The following RORB variants were observed in gnomAD, a reference collection of about 807,000 sequenced individuals.
RORB encodes RAR related orphan receptor B.
In RORB, 6 loss-of-function variants were observed where a neutral mutation model predicts 59.1. The ratio of observed to expected loss-of-function variants is 0.10; its 90% CI spans 0.06 to 0.20. The LOEUF (loss-of-function observed/expected upper bound fraction) is 0.20. Among genes scored for constraint, RORB ranks in the 10% least tolerant of loss-of-function variants. The pLI, the probability that RORB is intolerant of heterozygous loss-of-function variation, is 1.00. For synonymous variants in RORB, 215 were observed against 204.5 expected, an observed-to-expected ratio of 1.05 and a Z score of -0.44; for missense variants, 320 against 560.5, an observed-to-expected ratio of 0.57 and a Z score of 4.33.
chr9:74,602,250 A>T (rs564779382), intron 1 of RORB, among the ~76,000 whole-genome samples: 1 of 152,342 alleles, frequency 6.6e-6, no homozygotes, highest in South Asian at 2.1e-4. Context: ...AAATCGCAAG[A>T]TGTAAAATTT....
chr9:74,557,459 A>G (rs1164256536), intron 1 of RORB, among the ~76,000 whole-genome samples: 1 of 152,098 alleles, frequency 6.6e-6, no homozygotes, highest in Non-Finnish European at 1.5e-5. Context: ...TTGAACCTTG[A>G]GCTTTTCCTA....
chr9:74,620,299 A>G (rs1248343165), intron 1 of RORB, among the ~76,000 whole-genome samples: 1 of 151,994 alleles, frequency 6.6e-6, no homozygotes, highest in Non-Finnish European at 1.5e-5. Context: ...GAATTTATCC[A>G]TTTCTTCTAG....
At chr9:74,652,058 T>C (rs1211402049) in intron 4 of RORB, among the ~76,000 whole-genome samples, 2 of 152,336 alleles carry the variant, frequency 1.3e-5, no homozygotes, top group South Asian at 2.1e-4. Flanking sequence ...GGATATACTC[T>C]GTTTAAACAC....
chr9:74,600,239 A>G (rs771206036), intron 1 of RORB, among the ~76,000 whole-genome samples: 6 of 152,220 alleles, frequency 3.9e-5, no homozygotes, highest in Non-Finnish European at 7.3e-5. Context: ...AGGTGGTTTT[A>G]TTCTTGAAAG....
intron 1 of RORB, among the ~76,000 whole-genome samples, chr9:74,543,574 G>GTCT (rs1346290481): frequency 6.6e-6 from 1 of 151,978 alleles, no homozygotes; most frequent in East Asian, 1.9e-4. Flanking sequence ...ACCACTCTAG[G>GTCT]TGAATCCAGA....
intron 1 of RORB, among the ~76,000 whole-genome samples, chr9:74,570,206 C>T (rs1374270519): frequency 6.6e-6 from 1 of 151,950 alleles, no homozygotes; most frequent in Non-Finnish European, 1.5e-5. Flanking sequence ...TGCTCCATAC[C>T]TTCTCACTTT....
chr9:74,562,223 T>G (rs1006693189), intron 1 of RORB, among the ~76,000 whole-genome samples: 2 of 152,172 alleles, frequency 1.3e-5, no homozygotes, highest in African/African-American at 4.8e-5. Context: ...TATTGTACAC[T>G]CAGTTATATG....
In RORB at chr9:74,689,709, TG is replaced by T. The variant is rs1165351395; in HGVS notation, c.*4092del. ...TAATCTCAGAGCAGTCAAGCTAAAC[TG>T]TTTGTAGAAAACCATGAAGATCAAC... On this transcript the variant is annotated 3_prime_UTR_variant, in exon 10 of 10. Coordinates refer to ENST00000376896, the MANE Select transcript of RORB (RefSeq NM_006914.4). The T allele has an allele frequency of 6.6e-6, 1 of 152,230 alleles. No homozygotes were observed. The highest frequency in any genetic ancestry group is 2.4e-5 in the African/African-American group (1 of 41,458). 9.4% of individuals were successfully genotyped at this position (152,230 alleles called of 1,614,324 possible). A position where few individuals can be genotyped will look rare whatever the true frequency, so the allele number is the denominator to read the frequency against.
intron 1 of RORB, 118 bp downstream of exon 1, chr9:74,498,101 C>T (rs1825739093): frequency 8.6e-7 from 1 of 1,156,586 alleles, no homozygotes; most frequent in Non-Finnish European, 1.2e-6. Context: ...GGCGCAGTTC[C>T]CCGAATTCGC....
At chr9:74,557,732 C>A (rs1822329497) in intron 1 of RORB, among the ~76,000 whole-genome samples, 1 of 152,064 alleles carries the variant, frequency 6.6e-6, no homozygotes, top group Non-Finnish European at 1.5e-5. Flanking sequence ...TCCCTCGCAA[C>A]TCAAGTAACC....
intron 9 of RORB, among the ~76,000 whole-genome samples, chr9:74,676,785 C>T (rs550649725): frequency 6.6e-6 from 1 of 152,380 alleles, no homozygotes; most frequent in East Asian, 1.9e-4. Context: ...TCCCGTTATT[C>T]TTCCTAAGCT....
intron 1 of RORB, among the ~76,000 whole-genome samples, chr9:74,538,456 G>A (rs1037167396): frequency 6.6e-6 from 1 of 152,006 alleles, no homozygotes; most frequent in African/African-American, 2.4e-5. Context: ...TTTAGGATTT[G>A]AAAAGCAGGG....
chr9:74,508,638 T>A (rs17227876), intron 1 of RORB, among the ~76,000 whole-genome samples: 30,902 of 151,842 alleles, frequency 0.2, 3,851 homozygotes, highest in Non-Finnish European at 0.28. Context: ...TGAGCACTTA[T>A]GATGTCTAAG....
intron 1 of RORB, among the ~76,000 whole-genome samples, chr9:74,609,883 C>T (rs1354244960): frequency 6.6e-6 from 1 of 152,150 alleles, no homozygotes; most frequent in Non-Finnish European, 1.5e-5. Flanking sequence ...AAGTGAGGGG[C>T]AACACTGGCA....
chr9:74,569,966 C>T (rs1187024064), intron 1 of RORB, among the ~76,000 whole-genome samples: 1 of 151,866 alleles, frequency 6.6e-6, no homozygotes, highest in Non-Finnish European at 1.5e-5. Flanking sequence ...TTTCTCCTCC[C>T]CTCCTATGTT....
intron 1 of RORB, among the ~76,000 whole-genome samples, chr9:74,620,741 T>C (rs1823400921): frequency 1.3e-5 from 2 of 152,364 alleles, no homozygotes; most frequent in South Asian, 4.1e-4. Context: ...TTCTGGTATG[T>C]TGTGTCTTTG....
At chr9:74,616,833 TAC>T (rs764800181) in intron 1 of RORB, among the ~76,000 whole-genome samples, 14 of 150,292 alleles carry the variant, frequency 9.3e-5, no homozygotes, top group East Asian at 1.9e-4. Flanking sequence ...TATGTGCACA[TAC>T]ACACACACAC....
chr9:74,513,505 G>T lies in RORB; in HGVS notation c.7+15522G>T, dbSNP rs1825968805. ...TTATCAATTGTGTTCTAGTGATAATGATAATAATTCAATCTAGAAGGAATT... is the reference window on the plus strand; with the variant it reads ...TTATCAATTGTGTTCTAGTGATAATTATAATAATTCAATCTAGAAGGAATT... On this transcript the variant is annotated intron_variant, in intron 1 of 9. Transcript: ENST00000376896. Among the ~76,000 whole-genome samples, 5 of 152,100 alleles carry T rather than the reference G, an allele frequency of 3.3e-5. No homozygotes were observed. In the South Asian group the frequency reaches 1.0e-3, roughly 31 times the overall value.
rs561316989 is a variant in RORB at position 74,532,651 on chromosome 9, AT to A, written c.7+34669del. Among the ~76,000 whole-genome samples the A allele has an allele frequency of 6.6e-5, 10 of 151,166 alleles. No individual in the cohort carries two copies. The South Asian group carries it at 1.9e-3, about 28-fold the overall frequency. On this transcript the variant is annotated intron_variant, in intron 1 of 9. Coordinates refer to ENST00000376896, the MANE Select transcript of RORB (RefSeq NM_006914.4). The stretch of plus-strand genomic sequence containing the variant: ...GCAGCTGGTGTGATGAATTCCATAT[AT>A]GTGTGTATACATATATTAAATATAC...
Sources: allele counts gnomAD v4.1 joint callset (sites outside exome capture counted in the v4.1 genomes callset), GRCh38; gene constraint gnomAD v4.1.1; transcripts MANE v1.5; gene names NCBI Gene and HGNC (gene_info 2026-07-23, HGNC 2026-07-21).